Variants in CLEC16A observed in about 807,000 individuals in gnomAD.
CLEC16A encodes the protein C-type lectin domain containing 16A.
A neutral mutation model predicts 109.5 loss-of-function variants in CLEC16A; 51 were observed. The ratio of observed to expected loss-of-function variants is 0.47; its 90% CI spans 0.37 to 0.59. The LOEUF (loss-of-function observed/expected upper bound fraction) is 0.59. CLEC16A is among the 20% of genes least tolerant of loss of function. CLEC16A has a pLI of 0.00. For synonymous variants in CLEC16A, 673 were observed against 564.2 expected, an observed-to-expected ratio of 1.19 and a Z score of -2.73; for missense variants, 1,339 against 1,394.0, an observed-to-expected ratio of 0.96 and a Z score of 0.63.
chr16:11,056,307 C>G (rs1203331159), intron 18 of CLEC16A, among the ~76,000 whole-genome samples: 1 of 152,180 alleles, frequency 6.6e-6, no homozygotes, highest in Non-Finnish European at 1.5e-5. Context: ...TCAGCTGTTG[C>G]CCAGAGTAGA....
At chr16:11,041,127 T>A (rs2047311715) in intron 14 of CLEC16A, 1 of 152,244 alleles carries the variant, frequency 6.6e-6, no homozygotes, top group African/African-American at 2.4e-5. Flanking sequence ...GGTTTTGGCT[T>A]TCTGAGCACC....
At chr16:11,153,339 A>G (rs2054369898) in intron 22 of CLEC16A, among the ~76,000 whole-genome samples, 2 of 152,106 alleles carry the variant, frequency 1.3e-5, no homozygotes, top group Admixed American at 1.3e-4. Context: ...TTGAAGGAAG[A>G]GGATGACAAC....
intron 17 of CLEC16A, among the ~76,000 whole-genome samples, chr16:11,050,611 G>A (rs2047887858): frequency 6.6e-6 from 1 of 152,260 alleles, no homozygotes; most frequent in Admixed American, 6.5e-5. Flanking sequence ...ATCTGGGAGA[G>A]GTGGCAGGGA....
intron 12 of CLEC16A, among the ~76,000 whole-genome samples, chr16:11,022,482 G>T (rs2152806914): frequency 6.6e-6 from 1 of 151,132 alleles, no homozygotes; most frequent in East Asian, 2.0e-4. Context: ...GTGGCTGTTT[G>T]TTCTCTAGGC....
intron 10 of CLEC16A, among the ~76,000 whole-genome samples, chr16:10,995,585 G>A (rs1304282281): frequency 6.6e-6 from 1 of 152,166 alleles, no homozygotes; most frequent in East Asian, 1.9e-4. Flanking sequence ...ATTTGCCAGG[G>A]GGTTGAAGGG....
intron 7 of CLEC16A, among the ~76,000 whole-genome samples, chr16:10,976,196 G>C (rs532991549): frequency 4.6e-5 from 7 of 152,234 alleles, no homozygotes; most frequent in Admixed American, 1.3e-4. Flanking sequence ...CTTGAACCTG[G>C]GAGGTTGAGG....
At chr16:11,053,528 A>C (rs2048056338) in intron 18 of CLEC16A, among the ~76,000 whole-genome samples, 3 of 151,758 alleles carry the variant, frequency 2.0e-5, no homozygotes, top group Admixed American at 2.0e-4. Context: ...GTGCCACCAC[A>C]CTCGGCTAAT....
chr16:10,949,169 C>T (rs1303165987), intron 1 of CLEC16A, among the ~76,000 whole-genome samples: 3 of 152,212 alleles, frequency 2.0e-5, no homozygotes, highest in African/African-American at 7.2e-5. Context: ...TAGACAGACG[C>T]ACACCTACTC....
chr16:11,054,932 CTT>C (rs151109740), intron 18 of CLEC16A, among the ~76,000 whole-genome samples: 13 of 130,578 alleles, frequency 1.0e-4, no homozygotes, highest in Admixed American at 1.5e-4. Flanking sequence ...GGTTTTCTTT[CTT>C]TTTTTTTTTT....
chr16:10,998,985 C>G (rs75818711), intron 10 of CLEC16A, among the ~76,000 whole-genome samples: 1 of 152,014 alleles, frequency 6.6e-6, no homozygotes, highest in Non-Finnish European at 1.5e-5. Flanking sequence ...TTGGTGTTAG[C>G]TTTAAGAAAA....
intron 10 of CLEC16A, among the ~76,000 whole-genome samples, chr16:10,991,531 G>A (rs549162715): frequency 1.7e-4 from 26 of 152,306 alleles, no homozygotes; most frequent in Non-Finnish European, 3.4e-4. Flanking sequence ...AAGGGGATGG[G>A]AAGTAGGAGA....
chr16:11,087,653 C>G (rs1208024457), intron 19 of CLEC16A, among the ~76,000 whole-genome samples: 6 of 152,230 alleles, frequency 3.9e-5, no homozygotes, highest in Non-Finnish European at 8.8e-5. Flanking sequence ...ATCTGCCTCA[C>G]CAACACTTCT....
At chr16:11,055,130 G>A (rs1443332632) in intron 18 of CLEC16A, among the ~76,000 whole-genome samples, 1 of 152,132 alleles carries the variant, frequency 6.6e-6, no homozygotes, top group East Asian at 1.9e-4. Context: ...TAGCCTTGGG[G>A]GTGAAGAAAT....
At chr16:10,951,076 A>G (rs3813754) in intron 1 of CLEC16A, among the ~76,000 whole-genome samples, 1 of 152,108 alleles carries the variant, frequency 6.6e-6, no homozygotes, top group Non-Finnish European at 1.5e-5. Context: ...TAACCTGTGA[A>G]ATTAGTGACT....
intron 12 of CLEC16A, among the ~76,000 whole-genome samples, chr16:11,021,943 C>T (rs1404698729): frequency 1.3e-5 from 2 of 151,950 alleles, no homozygotes; most frequent in Non-Finnish European, 2.9e-5. Flanking sequence ...TGTATTTCTC[C>T]CGCCACCAAA....
At chr16:11,162,979 C>A (rs918352473) in intron 22 of CLEC16A, among the ~76,000 whole-genome samples, 1 of 152,226 alleles carries the variant, frequency 6.6e-6, no homozygotes, top group Non-Finnish European at 1.5e-5. Flanking sequence ...AGAGCCAAGA[C>A]TGTTATCACT....
intron 21 of CLEC16A, among the ~76,000 whole-genome samples, chr16:11,125,390 G>A (rs1209596062): frequency 2.0e-5 from 3 of 151,840 alleles, no homozygotes; most frequent in Non-Finnish European, 4.4e-5. Flanking sequence ...GCTGTAAAGT[G>A]GCTGTTAGAA....
chr16:11,020,125 G>C, intron 11 of CLEC16A, 68 bp from the exon 12 acceptor site: 1 of 1,513,008 alleles, frequency 6.6e-7, no homozygotes, highest in Non-Finnish European at 8.9e-7. Flanking sequence ...TCTCCAACAT[G>C]AGCATGTGTA....
intron 22 of CLEC16A, chr16:11,156,486 A>T: frequency 1.4e-6 from 1 of 706,516 alleles, no homozygotes; most frequent in Non-Finnish European, 2.2e-6. Context: ...TGCATTCCTG[A>T]TTCTGCTCCA....
Sources: allele counts gnomAD v4.1 joint callset (sites outside exome capture counted in the v4.1 genomes callset), GRCh38; gene constraint gnomAD v4.1.1; transcripts MANE v1.5; gene names NCBI Gene and HGNC (gene_info 2026-07-23, HGNC 2026-07-21).